The following NDUFAF2 variants were observed in gnomAD, a reference collection of about 807,000 sequenced individuals.
NDUFAF2 encodes NADH:ubiquinone oxidoreductase complex assembly factor 2.
Under a neutral mutation model 22.8 loss-of-function variants are expected in NDUFAF2, and 13 were observed. The ratio of observed to expected loss-of-function variants is 0.57; its 90% CI spans 0.37 to 0.91. NDUFAF2 has a LOEUF of 0.91. NDUFAF2 is among the 40% of genes least tolerant of loss of function. NDUFAF2 has a pLI of 0.01. For missense variants in NDUFAF2, 162 were observed against 195.2 expected (o/e 0.83, Z 1.01); for synonymous variants, 53 against 64.2 (o/e 0.83, Z 0.84).
chr5:61,049,824 A>G (rs770679932), intron 1 of NDUFAF2, among the ~76,000 whole-genome samples: 4 of 151,716 alleles, frequency 2.6e-5, no homozygotes, highest in East Asian at 1.9e-4. Flanking sequence ...TTATATACAT[A>G]TATATAAATA....
chr5:61,016,453 G>A (rs976716356), intron 1 of NDUFAF2, among the ~76,000 whole-genome samples: 2 of 152,156 alleles, frequency 1.3e-5, no homozygotes, highest in Admixed American at 1.3e-4. Flanking sequence ...TGCATTTCTG[G>A]TAGGTGGCAG....
intron 1 of NDUFAF2, among the ~76,000 whole-genome samples, chr5:61,030,366 A>G (rs1751708208): frequency 6.6e-6 from 1 of 152,116 alleles, no homozygotes. Context: ...TACATTATAC[A>G]GACCATCCAA....
At chr5:61,023,110 C>T (rs1040978166) in intron 1 of NDUFAF2, among the ~76,000 whole-genome samples, 5 of 152,130 alleles carry the variant, frequency 3.3e-5, no homozygotes, top group African/African-American at 9.7e-5. Flanking sequence ...GGTGTTCCCC[C>T]CTTCTTCTGT....
chr5:60,981,469 AC>A (rs1310265423), intron 1 of NDUFAF2, among the ~76,000 whole-genome samples: 1 of 152,198 alleles, frequency 6.6e-6, no homozygotes, highest in Non-Finnish European at 1.5e-5. Context: ...ACATTAATGA[AC>A]AATAAGAAAT....
intron 2 of NDUFAF2, among the ~76,000 whole-genome samples, chr5:61,096,597 C>CAA (rs35508356): frequency 0.029 from 2,720 of 95,208 alleles, 53 homozygotes; most frequent in Non-Finnish European, 0.042. Flanking sequence ...GACACCATTG[C>CAA]AAAAAAAAAA....
intron 1 of NDUFAF2, among the ~76,000 whole-genome samples, chr5:61,040,280 ACACACACGCGCG>A (rs113281944): frequency 0.084 from 9,682 of 114,594 alleles, 874 homozygotes; most frequent in African/African-American, 0.25. Flanking sequence ...ACACACACAC[ACACACACGCGCG>A]CGCGCGCGCG....
At chr5:61,143,652 A>T (rs1037464571) in intron 3 of NDUFAF2, among the ~76,000 whole-genome samples, 1 of 152,116 alleles carries the variant, frequency 6.6e-6, no homozygotes, top group Non-Finnish European at 1.5e-5. Context: ...CTTGAACTTC[A>T]TAAATAAGCT....
At chr5:60,992,259 T>G (rs757884166) in intron 1 of NDUFAF2, among the ~76,000 whole-genome samples, 38 of 152,186 alleles carry the variant, frequency 2.5e-4, no homozygotes, top group Non-Finnish European at 4.7e-4. Flanking sequence ...TCTCTTCTCT[T>G]TGTTGAGTGT....
chr5:61,136,005 TTATATATATA>T (rs57756292), intron 3 of NDUFAF2, among the ~76,000 whole-genome samples: 2,047 of 96,008 alleles, frequency 0.021, 241 homozygotes, highest in African/African-American at 0.074. Context: ...AAGCCTGTCT[TTATATATATA>T]TATATATATA....
chr5:61,104,879 C>T (rs1197349798), intron 3 of NDUFAF2, among the ~76,000 whole-genome samples: 1 of 152,034 alleles, frequency 6.6e-6, no homozygotes, highest in African/African-American at 2.4e-5. Flanking sequence ...ATTCACCTTA[C>T]AACAAGGATA....
At chr5:60,986,325 A>G (rs768708957) in intron 1 of NDUFAF2, among the ~76,000 whole-genome samples, 17 of 152,198 alleles carry the variant, frequency 1.1e-4, no homozygotes, top group Middle Eastern at 3.2e-3. Flanking sequence ...AAATCAGTCA[A>G]AACTATACAG....
chr5:61,128,901 C>G (rs1344864822), intron 3 of NDUFAF2, among the ~76,000 whole-genome samples: 1 of 152,098 alleles, frequency 6.6e-6, no homozygotes, highest in Non-Finnish European at 1.5e-5. Context: ...ATCTACTCAA[C>G]TGACAAAGGG....
At chr5:61,038,207 A>AT (rs1333565137) in intron 1 of NDUFAF2, among the ~76,000 whole-genome samples, 2 of 152,084 alleles carry the variant, frequency 1.3e-5, no homozygotes, top group East Asian at 3.8e-4. Context: ...GCAATCTATA[A>AT]TGTACATAGA....
At chr5:61,061,231 A>C (rs1384004004) in intron 1 of NDUFAF2, among the ~76,000 whole-genome samples, 1 of 152,212 alleles carries the variant, frequency 6.6e-6, no homozygotes, top group Non-Finnish European at 1.5e-5. Context: ...ATCCCTTTCC[A>C]TTAATAATTT....
intron 1 of NDUFAF2, among the ~76,000 whole-genome samples, chr5:61,043,593 G>A (rs1358384940): frequency 4.6e-5 from 7 of 152,020 alleles, no homozygotes; most frequent in Admixed American, 4.6e-4. Context: ...TTGTCTTTCT[G>A]TGCCTGCTTA....
intron 1 of NDUFAF2, among the ~76,000 whole-genome samples, chr5:60,993,243 G>A (rs1036721819): frequency 3.4e-4 from 52 of 152,366 alleles, no homozygotes; most frequent in African/African-American, 1.3e-3. Context: ...TGTCACTGGG[G>A]AACGTGGTGT....
intron 3 of NDUFAF2, among the ~76,000 whole-genome samples, chr5:61,112,136 G>A (rs953557184): frequency 6.6e-6 from 1 of 151,848 alleles, no homozygotes; most frequent in African/African-American, 2.4e-5. Context: ...CCAGAGTTGG[G>A]TGGATATATA....
chr5:61,102,187 T>C (rs1266945668), intron 3 of NDUFAF2, among the ~76,000 whole-genome samples: 1 of 152,138 alleles, frequency 6.6e-6, no homozygotes, highest in Non-Finnish European at 1.5e-5. Flanking sequence ...TTTGAAAATA[T>C]ATTTGGAAAT....
At chr5:60,988,401 G>T (rs2112583674) in intron 1 of NDUFAF2, among the ~76,000 whole-genome samples, 1 of 152,128 alleles carries the variant, frequency 6.6e-6, no homozygotes, top group Non-Finnish European at 1.5e-5. Context: ...ACTACCAATA[G>T]CATTATTCAC....
Sources: allele counts gnomAD v4.1 joint callset (sites outside exome capture counted in the v4.1 genomes callset), GRCh38; gene constraint gnomAD v4.1.1; transcripts MANE v1.5; gene names NCBI Gene and HGNC (gene_info 2026-07-23, HGNC 2026-07-21).